Variants in TRIML1 observed in about 807,000 individuals in gnomAD.
TRIML1 encodes the protein tripartite motif family like 1.
In TRIML1, 34 loss-of-function variants were observed where a neutral mutation model predicts 32.3. That is an observed-to-expected ratio of 1.05 (90% CI 0.80 to 1.40). The LOEUF (loss-of-function observed/expected upper bound fraction) is 1.40, where lower values mean the gene tolerates loss of function less well. TRIML1 is among the 40% of genes most tolerant of loss of function. The pLI is 0.00. For synonymous variants in TRIML1, 244 were observed against 226.6 expected, an observed-to-expected ratio of 1.08 and a Z score of -0.69; for missense variants, 595 against 574.9, an observed-to-expected ratio of 1.03 and a Z score of -0.36.
At chr4:188,138,760 C>T (rs899542916), upstream of TRIML1, among the ~76,000 whole-genome samples, 1 of 99,534 alleles carries the variant, frequency 1.0e-5, no homozygotes, top group African/African-American at 3.1e-5. Context: ...TTTCCATCTG[C>T]TCCATAGTGG....
At chr4:188,142,598 T>C (rs1734904930) in intron 3 of TRIML1, 116 bp downstream of exon 3, 1 of 787,978 alleles carries the variant, frequency 1.3e-6, no homozygotes, top group Non-Finnish European at 2.0e-6. Context: ...GGTCCAAAAG[T>C]AGTTTTCCTA....
At chr4:188,140,834 T>C in intron 2 of TRIML1, 1 of 488,904 alleles carries the variant, frequency 2.0e-6, no homozygotes, top group Non-Finnish European at 3.7e-6. Context: ...GGAGCCTCCT[T>C]TGCATAACTA....
In TRIML1 at chr4:188,146,835, G is replaced by A. The variant is rs199849910; in HGVS notation, c.870G>A (p.Leu290=). The change falls in exon 6 of 6, where the codon CTG becomes CTA. Residue 290 remains leucine (L), a synonymous_variant. Coordinates refer to ENST00000332517, the MANE Select transcript of TRIML1 (RefSeq NM_178556.5). The part of the protein sequence containing the change: ...MLRKFSTEIT[L]DPATANAYLV... ...CTCCTCTTGCAGCGGAGATAACGCT[G>A]GACCCAGCCACAGCTAATGCCTATC... The A allele has an allele frequency of 5.0e-5, 70 of 1,395,564 alleles. No homozygotes were observed. Among genetic ancestry groups the A allele is most frequent in the Non-Finnish European group, 9.3e-6 (10 of 1,070,122 alleles). 86.4% of individuals were successfully genotyped at this position (1,395,564 alleles called of 1,614,324 possible).
chr4:188,139,359 C>T (rs1734757809), upstream of TRIML1: 3 of 523,562 alleles, frequency 5.7e-6, no homozygotes, highest in Admixed American at 1.1e-4. Context: ...TACAGGAGTT[C>T]CACATTAAGT....
downstream of TRIML1, among the ~76,000 whole-genome samples, chr4:188,150,126 T>C (rs1426853344): frequency 1.3e-5 from 2 of 151,162 alleles, no homozygotes; most frequent in Non-Finnish European, 2.9e-5. Context: ...TTTTTAAAAA[T>C]TATTATTATT....
chr4:188,141,994 A>G (rs1734870270), intron 2 of TRIML1, among the ~76,000 whole-genome samples: 1 of 151,644 alleles, frequency 6.6e-6, no homozygotes, highest in African/African-American at 2.4e-5. Flanking sequence ...CTCCTAGACT[A>G]TAGTCCCAGC....
chr4:188,142,115 C>CA (rs34286328), intron 2 of TRIML1, 137 bp from the exon 3 acceptor site: 8,284 of 469,066 alleles, frequency 0.018, 86 homozygotes, highest in African/African-American at 0.057. Context: ...GACTCCATCT[C>CA]AAAAAAAAAA....
rs971863170 is a variant in TRIML1, at chr4:188,146,065, G to C, written c.857-757G>C. On this transcript the variant is annotated intron_variant, in intron 5 of 5. Transcript: ENST00000332517. ...TTTTGTAAAAATTATAGAAAAGAATGCTTGCAGTGATTAAATGAGATAATG... is the reference window on the plus strand; with the variant it reads ...TTTTGTAAAAATTATAGAAAAGAATCCTTGCAGTGATTAAATGAGATAATG... Among the ~76,000 whole-genome samples, 7 of 152,152 alleles carry C rather than the reference G, an allele frequency of 4.6e-5. No individual in the cohort carries two copies. The South Asian group carries it at 1.4e-3, about 31-fold the overall frequency.
chr4:188,137,601 C>G (rs1734699550), upstream of TRIML1, among the ~76,000 whole-genome samples: 2 of 151,926 alleles, frequency 1.3e-5, no homozygotes, highest in African/African-American at 4.8e-5. Context: ...TCTCAGCCTC[C>G]TGACTAGCTG....
rs1735132872 is a variant in TRIML1, at chr4:188,147,457, T to C, written c.*85T>C. 14 of 1,233,798 alleles carry C rather than the reference T, an allele frequency of 1.1e-5. No homozygotes were observed. In the Admixed American group the frequency reaches 2.4e-4, roughly 21 times the overall value. The allele number at this position is 1,233,798 out of a possible 1,614,324, so 76.4% of individuals were successfully genotyped here. A position where few individuals can be genotyped will look rare whatever the true frequency, so the allele number is the denominator to read the frequency against. The stretch of plus-strand genomic sequence containing the variant: ...ACGATGAAGGCATCGACAGTATTAA[T>C]GTCAGGTGATCTGAAATAAACTCCC... On this transcript the variant is annotated 3_prime_UTR_variant, in exon 6 of 6. Coordinates refer to ENST00000332517, the MANE Select transcript of TRIML1 (RefSeq NM_178556.5).
intron 2 of TRIML1, 155 bp downstream of exon 2, chr4:188,140,778 C>A (rs965480628): frequency 1.8e-5 from 11 of 597,246 alleles, no homozygotes; most frequent in Non-Finnish European, 3.0e-5. Context: ...TTCTTCTGAG[C>A]GTCCTCGTGG....
chr4:188,147,207 A>G lies in TRIML1; in HGVS notation c.1242A>G (p.Glu414=), dbSNP rs766071654. The change falls in exon 6 of 6, where the codon GAA becomes GAG. Residue 414 remains glutamate (E), a synonymous_variant. Transcript: ENST00000332517. Reference sequence around the variant, plus strand: ...AGGTTGGTGTCTTCCTGGACTATGAATCTGGACATATAGCATTCTACAACG... The same window carrying G: ...AGGTTGGTGTCTTCCTGGACTATGAGTCTGGACATATAGCATTCTACAACG... ...VCKVGVFLDY[E]SGHIAFYNGT... is the part of the protein sequence containing the mutation. 9 of 1,613,690 alleles carry G rather than the reference A, an allele frequency of 5.6e-6. No homozygotes were observed. In the Admixed American group the frequency reaches 1.3e-4, roughly 24 times the overall value.
At chr4:188,149,706 T>C (rs565817060), downstream of TRIML1, among the ~76,000 whole-genome samples, 2 of 152,306 alleles carry the variant, frequency 1.3e-5, no homozygotes, top group Non-Finnish European at 2.9e-5. Context: ...AATTCCCACC[T>C]TGACATCACG....
intron 2 of TRIML1, 118 bp downstream of exon 2, chr4:188,140,741 T>C: frequency 1.3e-6 from 1 of 747,968 alleles, no homozygotes; most frequent in Non-Finnish European, 2.2e-6. Flanking sequence ...ACCTCTAAAA[T>C]ATGCAGTTTC....
downstream of TRIML1, among the ~76,000 whole-genome samples, chr4:188,149,094 T>A (rs1338795636): frequency 6.6e-6 from 1 of 151,544 alleles, no homozygotes; most frequent in Admixed American, 6.6e-5. Flanking sequence ...TTTGTATTTT[T>A]TTTTTTAGTA....
chr4:188,142,000 C>T (rs1412839063), intron 2 of TRIML1, among the ~76,000 whole-genome samples: 1 of 151,582 alleles, frequency 6.6e-6, no homozygotes, highest in Admixed American at 6.6e-5. Flanking sequence ...GACTATAGTC[C>T]CAGCTACTCA....
intron 5 of TRIML1, 107 bp from the exon 6 acceptor site, chr4:188,146,715 C>A: frequency 2.1e-6 from 2 of 950,282 alleles, no homozygotes; most frequent in Non-Finnish European, 2.9e-6. Context: ...CCCCAAATTA[C>A]ATTTAAAAAA....
downstream of TRIML1, among the ~76,000 whole-genome samples, chr4:188,150,010 T>A (rs1049916582): frequency 6.6e-6 from 1 of 152,090 alleles, no homozygotes; most frequent in Non-Finnish European, 1.5e-5. Context: ...TTCACCATGT[T>A]GGCCAGGATG....
chr4:188,148,419 G>A (rs1159389449), downstream of TRIML1, among the ~76,000 whole-genome samples: 1 of 151,952 alleles, frequency 6.6e-6, no homozygotes, highest in African/African-American at 2.4e-5. Context: ...GCTTGAACCC[G>A]GGCGGCGGAG....
Sources: allele counts gnomAD v4.1 joint callset (sites outside exome capture counted in the v4.1 genomes callset), GRCh38; gene constraint gnomAD v4.1.1; transcripts MANE v1.5; gene names NCBI Gene and HGNC (gene_info 2026-07-23, HGNC 2026-07-21).